The following COL4A1 variants were observed in gnomAD, a reference collection of about 807,000 sequenced individuals.
The protein encoded by COL4A1 is collagen alpha-1(IV) chain.
Under a neutral mutation model 216.6 loss-of-function variants are expected in COL4A1, and 40 were observed. That is an observed-to-expected ratio of 0.18 (90% CI 0.14 to 0.24). COL4A1 has a LOEUF of 0.24. Among genes scored for constraint, COL4A1 ranks in the 10% least tolerant of loss-of-function variants. The pLI is 1.00. For synonymous variants in COL4A1, 839 were observed against 810.7 expected (o/e 1.03, Z -0.59); for missense variants, 1,628 against 2,196.8 (o/e 0.74, Z 5.18).
chr13:110,266,627 G>T (rs11842143), intron 1 of COL4A1, among the ~76,000 whole-genome samples: 2 of 152,030 alleles, frequency 1.3e-5, no homozygotes, highest in Non-Finnish European at 2.9e-5. Flanking sequence ...GGCACAGTGA[G>T]CGTGCACTGG....
At chr13:110,169,022 G>A (rs1027565588) in intron 43 of COL4A1, among the ~76,000 whole-genome samples, 1 of 143,962 alleles carries the variant, frequency 6.9e-6, no homozygotes, top group Non-Finnish European at 1.5e-5. Flanking sequence ...ATATATTCAG[G>A]TGCAGCAAAG....
intron 51 of COL4A1, among the ~76,000 whole-genome samples, chr13:110,151,366 G>A (rs1420436396): frequency 6.6e-6 from 1 of 151,992 alleles, no homozygotes; most frequent in Non-Finnish European, 1.5e-5. Context: ...AAGGGCTGAG[G>A]CATGAACAAA....
At chr13:110,217,133 T>C (rs931097270) in intron 2 of COL4A1, among the ~76,000 whole-genome samples, 4 of 152,200 alleles carry the variant, frequency 2.6e-5, no homozygotes, top group Non-Finnish European at 5.9e-5. Context: ...CTCTGTACCC[T>C]GTCCAAGGTT....
intron 46 of COL4A1, 34 bp from the exon 47 acceptor site, chr13:110,163,595 A>G (rs985429619): frequency 6.4e-7 from 1 of 1,564,260 alleles, no homozygotes; most frequent in South Asian, 1.1e-5. Context: ...ATGATCCTGT[A>G]TGGCAGTAAG....
At chr13:110,175,443 A>G in intron 36 of COL4A1, 86 bp from the exon 37 acceptor site, 1 of 1,575,980 alleles carries the variant, frequency 6.3e-7, no homozygotes, top group South Asian at 1.2e-5. Flanking sequence ...GCCAGCCAAG[A>G]ATGAGATACA....
At chr13:110,244,778 G>A (rs531794738) in intron 1 of COL4A1, among the ~76,000 whole-genome samples, 7 of 152,194 alleles carry the variant, frequency 4.6e-5, no homozygotes, top group African/African-American at 7.2e-5. Flanking sequence ...CCAGGCTCCC[G>A]TAGCATTGAG....
chr13:110,258,400 C>T (rs747408742), intron 1 of COL4A1, among the ~76,000 whole-genome samples: 71 of 152,148 alleles, frequency 4.7e-4, no homozygotes, highest in Non-Finnish European at 8.5e-4. Flanking sequence ...ATTAGCCAGG[C>T]GTGGTGGCGC....
intron 2 of COL4A1, among the ~76,000 whole-genome samples, chr13:110,219,456 C>G (rs1016027809): frequency 3.3e-5 from 5 of 151,880 alleles, no homozygotes; most frequent in Admixed American, 1.3e-4. Context: ...GGCTGCAAAT[C>G]TGTATCTTCT....
At position 110,223,868 on chromosome 13, in the gene COL4A1, C is replaced by G. The variant is rs181868335; in HGVS notation, c.145-9853G>C. 2.9e-3 allele frequency among the ~76,000 whole-genome samples: 449 copies of G among 152,310 alleles called. 2 individuals carry two copies. The highest frequency in any genetic ancestry group is 0.01 in the African/African-American group (427 of 41,568). On this transcript the variant is annotated intron_variant, in intron 2 of 51. Coordinates refer to ENST00000375820, the MANE Select transcript of COL4A1 (RefSeq NM_001845.6). ...GCAGCCTCCGTGTAGACTTTAGAGG[C>G]TTGGTACTGACCTGCCAAGAGTTGG...
chr13:110,214,718 C>A (rs527783565), intron 2 of COL4A1, among the ~76,000 whole-genome samples: 9 of 152,204 alleles, frequency 5.9e-5, no homozygotes, highest in Non-Finnish European at 1.0e-4. Context: ...TTGGGCTCTC[C>A]AGCCGCTGGC....
chr13:110,266,472 G>A (rs1883039383), intron 1 of COL4A1, among the ~76,000 whole-genome samples: 1 of 152,214 alleles, frequency 6.6e-6, no homozygotes, highest in African/African-American at 2.4e-5. Context: ...GGAGCTGGAT[G>A]GGGGTAAGAA....
Position 110,207,317 on chromosome 13 carries a change from A to G in COL4A1, c.780+86T>C. 8.5e-7 allele frequency: 1 copy of G among 1,176,156 alleles called. No individual in the cohort carries two copies. The highest frequency in any genetic ancestry group is 1.3e-6 in the Non-Finnish European group (1 of 781,362). 72.9% of individuals were successfully genotyped at this position (1,176,156 alleles called of 1,614,324 possible). On this transcript the variant is annotated intron_variant, in intron 13 of 51. Transcript: ENST00000375820. The surrounding 1 kb of genome is among the most constrained non-coding windows in gnomAD (Gnocchi z 4.4). ...ACCAGGATTGAATGTAGCTGGAAAA[A>G]CTGAGTTTTGACCCATTTTCTCTTT...
intron 1 of COL4A1, among the ~76,000 whole-genome samples, chr13:110,250,261 G>T (rs1386292267): frequency 6.6e-6 from 1 of 151,252 alleles, no homozygotes; most frequent in Non-Finnish European, 1.5e-5. Context: ...TATGTAACAT[G>T]TCTCTCTCTG....
chr13:110,157,447 G>GT (rs141316307), intron 49 of COL4A1, among the ~76,000 whole-genome samples: 104 of 152,328 alleles, frequency 6.8e-4, no homozygotes, highest in African/African-American at 2.5e-3. Flanking sequence ...GAAGGAACCT[G>GT]TAAGTCCTGA....
chr13:110,176,584 C>T (rs1047443768), intron 35 of COL4A1, 42 bp downstream of exon 35: 1 of 1,594,950 alleles, frequency 6.3e-7, no homozygotes, highest in Non-Finnish European at 8.6e-7. Context: ...AGGCCTCATC[C>T]TGAGCCCTTG....
intron 26 of COL4A1, among the ~76,000 whole-genome samples, chr13:110,185,331 A>C (rs1054476990): frequency 6.6e-6 from 1 of 151,624 alleles, no homozygotes; most frequent in Non-Finnish European, 1.5e-5. Context: ...TTTTTAGTAG[A>C]GATGGGGTTT....
chr13:110,256,727 A>G (rs641692), intron 1 of COL4A1, among the ~76,000 whole-genome samples: 152,122 of 152,252 alleles, frequency 1, 75,996 homozygotes, highest in Middle Eastern at 1. Flanking sequence ...CACTCTATTC[A>G]TGCCCCAGAC....
intron 2 of COL4A1, among the ~76,000 whole-genome samples, chr13:110,220,091 C>A (rs1180110111): frequency 1.3e-5 from 2 of 151,622 alleles, no homozygotes; most frequent in East Asian, 3.9e-4. Flanking sequence ...TAGTGTGCCA[C>A]CATGCGCCGC....
At chr13:110,224,011 TA>T (rs756511382) in intron 2 of COL4A1, among the ~76,000 whole-genome samples, 21 of 151,950 alleles carry the variant, frequency 1.4e-4, no homozygotes, top group Admixed American at 6.5e-4. Context: ...CTTACTCCAT[TA>T]AAAAAAATAT....
Sources: gnomAD v4.1 joint callset for allele counts (sites outside exome capture counted in the v4.1 genomes callset) on GRCh38, gnomAD v4.1.1 for gene constraint, Gnocchi (gnomAD v3.1) non-coding constraint, MANE v1.5 for transcripts, NCBI Gene and HGNC (gene_info 2026-07-23, HGNC 2026-07-21) for gene names.